PLCG2: variants seen among roughly 807,000 people sequenced by gnomAD.
PLCG2 encodes the protein 1-phosphatidylinositol 4,5-bisphosphate phosphodiesterase gamma-2.
PLCG2 carries 69 observed loss-of-function variants against 175.6 expected under a neutral mutation model. The ratio of observed to expected loss-of-function variants is 0.39; its 90% CI spans 0.32 to 0.48. The LOEUF is 0.48. Among genes scored for constraint, PLCG2 ranks in the 20% least tolerant of loss-of-function variants. The probability of loss-of-function intolerance (pLI) is 0.91; values close to 1 mark genes in which losing one functional copy is unlikely to be tolerated. For synonymous variants in PLCG2, 827 were observed against 624.0 expected (o/e 1.33, Z -4.85); for missense variants, 1,798 against 1,650.9 (o/e 1.09, Z -1.54).
chr16:81,854,634 C>G, intron 3 of PLCG2, 47 bp downstream of exon 3: 4 of 1,568,110 alleles, frequency 2.6e-6, no homozygotes, highest in Non-Finnish European at 3.5e-6. Flanking sequence ...GCCTTAGTGT[C>G]TTCCTGAAGA....
intron 2 of PLCG2, among the ~76,000 whole-genome samples, chr16:81,841,770 T>G (rs1232432922): frequency 6.6e-6 from 1 of 152,238 alleles, no homozygotes; most frequent in Non-Finnish European, 1.5e-5. Context: ...TTACATGTTC[T>G]TCTGCTGTGT....
At chr16:81,861,084 A>G (rs1047962607) in intron 5 of PLCG2, among the ~76,000 whole-genome samples, 5 of 152,192 alleles carry the variant, frequency 3.3e-5, no homozygotes, top group African/African-American at 1.2e-4. Flanking sequence ...CCTACCATTT[A>G]TTGAACAACC....
chr16:81,930,435 C>T (rs1053135473), intron 24 of PLCG2, among the ~76,000 whole-genome samples: 2 of 152,132 alleles, frequency 1.3e-5, no homozygotes, highest in Admixed American at 1.3e-4. Context: ...GGCTTTCTCC[C>T]TTGTGTCTGC....
intron 14 of PLCG2, among the ~76,000 whole-genome samples, chr16:81,901,051 A>G (rs536208190): frequency 2.0e-4 from 31 of 152,334 alleles, no homozygotes; most frequent in African/African-American, 6.7e-4. Flanking sequence ...AGGCGTGCAG[A>G]ATGCGTGCAA....
At chr16:81,757,353 A>G (rs1175007272) in intron 2 of PLCG2, among the ~76,000 whole-genome samples, 1 of 152,132 alleles carries the variant, frequency 6.6e-6, no homozygotes, top group Non-Finnish European at 1.5e-5. Flanking sequence ...TAGAAAAAAA[A>G]GCTGTTTAGT....
chr16:81,874,318 C>G (rs1291737221), intron 7 of PLCG2, among the ~76,000 whole-genome samples: 1 of 152,180 alleles, frequency 6.6e-6, no homozygotes, highest in Non-Finnish European at 1.5e-5. Context: ...TGTTGCTTAC[C>G]TGACCCCAAA....
At chr16:81,882,262 C>G (rs558400073) in intron 8 of PLCG2, among the ~76,000 whole-genome samples, 83 of 152,306 alleles carry the variant, frequency 5.4e-4, no homozygotes, top group African/African-American at 2.0e-3. Flanking sequence ...TGGTGGCCTG[C>G]TGGCCAAGGC....
At chr16:81,793,241 G>A (rs776890101) in intron 2 of PLCG2, among the ~76,000 whole-genome samples, 2 of 152,172 alleles carry the variant, frequency 1.3e-5, no homozygotes, top group Non-Finnish European at 2.9e-5. Flanking sequence ...TAAGGAGCTG[G>A]TTGTCTGTGA....
In PLCG2 at chr16:81,870,841, C is replaced by G. The variant is rs765899465; in HGVS notation, c.565-11C>G. 4 of 1,520,002 alleles carry G rather than the reference C, an allele frequency of 2.6e-6. No homozygotes were observed. The highest frequency in any genetic ancestry group is 1.8e-6 in the Non-Finnish European group (2 of 1,109,884). 94.2% of individuals were successfully genotyped at this position (1,520,002 alleles called of 1,614,324 possible). A position where few individuals can be genotyped will look rare whatever the true frequency, so the allele number is the denominator to read the frequency against. ...TCAAAAATCATGTGGTCACTTTTTT[C>G]ATATTTACAGGAAATAGGAGCACAC... On this transcript the variant is annotated splice_polypyrimidine_tract_variant and intron_variant, in intron 6 of 32. Coordinates refer to ENST00000564138, the MANE Select transcript of PLCG2 (RefSeq NM_002661.5).
chr16:81,881,379 G>A (rs1307967379), intron 8 of PLCG2, among the ~76,000 whole-genome samples: 2 of 152,184 alleles, frequency 1.3e-5, no homozygotes, highest in Non-Finnish European at 1.5e-5. Context: ...ACCCATGAGG[G>A]GCTGATAGAT....
chr16:81,810,847 C>G (rs569130613), intron 2 of PLCG2, among the ~76,000 whole-genome samples: 1 of 152,252 alleles, frequency 6.6e-6, no homozygotes, highest in African/African-American at 2.4e-5. Context: ...GTGGGAGAGG[C>G]AAGCACAACA....
At chr16:81,906,560 A>T (rs1048864524) in intron 15 of PLCG2, among the ~76,000 whole-genome samples, 5 of 152,278 alleles carry the variant, frequency 3.3e-5, no homozygotes, top group Admixed American at 2.0e-4. Context: ...AGTAACTGGG[A>T]CCACAGATGT....
At chr16:81,847,276 C>G (rs1267741712) in intron 2 of PLCG2, among the ~76,000 whole-genome samples, 12 of 152,156 alleles carry the variant, frequency 7.9e-5, no homozygotes. Flanking sequence ...GGCATGCCAC[C>G]CGCCAGAAAC....
At chr16:81,945,504 C>A (rs541635456) in intron 30 of PLCG2, among the ~76,000 whole-genome samples, 2 of 152,296 alleles carry the variant, frequency 1.3e-5, no homozygotes, top group East Asian at 3.9e-4. Context: ...CTGTTTCAGC[C>A]CTGTGTTCTT....
chr16:81,889,903 C>T (rs1908551816), intron 10 of PLCG2, among the ~76,000 whole-genome samples: 2 of 152,160 alleles, frequency 1.3e-5, no homozygotes, highest in Non-Finnish European at 2.9e-5. Flanking sequence ...GATCAGCCCG[C>T]CTCAGCTTCC....
intron 14 of PLCG2, among the ~76,000 whole-genome samples, chr16:81,901,876 C>G (rs559500618): frequency 1.3e-5 from 2 of 152,178 alleles, no homozygotes; most frequent in Admixed American, 6.5e-5. Context: ...AATCATGTTT[C>G]AATATAATTG....
At chr16:81,952,134 G>GA (rs1911390813) in intron 31 of PLCG2, among the ~76,000 whole-genome samples, 2 of 151,342 alleles carry the variant, frequency 1.3e-5, no homozygotes, top group South Asian at 2.1e-4. Flanking sequence ...ACTTATATAA[G>GA]AAAAAAACAT....
At position 81,905,493 on chromosome 16, in the gene PLCG2, G is replaced by A. The variant is rs771454800; in HGVS notation, c.1453G>A (p.Asp485Asn). The change falls in exon 15 of 33, where the codon GAT (aspartate) becomes AAT (asparagine). Residue 485 changes from aspartate (D) to asparagine (N), a missense_variant. Physicochemically the swap from Asp to Asn is conservative, Grantham distance 23. Transcript: ENST00000564138. ...HKQQGELYMW[D>N]SIDQKWTRHY... is the part of the protein sequence containing the mutation. ...GCAACAGGGGGAGCTGTACATGTGG[G>A]ATTCCATTGACCAGGTGGGCCTTGG... The A allele has an allele frequency of 6.2e-7, 1 of 1,613,768 alleles. No homozygotes were observed. Among genetic ancestry groups the A allele is most frequent in the Non-Finnish European group, 8.5e-7 (1 of 1,179,646 alleles).
At chr16:81,947,234 A>C (rs1319581934) in intron 31 of PLCG2, among the ~76,000 whole-genome samples, 1 of 152,188 alleles carries the variant, frequency 6.6e-6, no homozygotes, top group Non-Finnish European at 1.5e-5. Flanking sequence ...TGATGAGGGA[A>C]GCTTAATGCC....
Sources: allele counts gnomAD v4.1 joint callset (sites outside exome capture counted in the v4.1 genomes callset), GRCh38; gene constraint gnomAD v4.1.1; transcripts MANE v1.5; gene names NCBI Gene and HGNC (gene_info 2026-07-23, HGNC 2026-07-21).